The following SRGAP2B variants were observed in gnomAD, a reference collection of about 807,000 sequenced individuals.
The protein encoded by SRGAP2B is SLIT-ROBO Rho GTPase-activating protein 2B.
A neutral mutation model predicts 22.2 loss-of-function variants in SRGAP2B; 9 were observed. The observed-to-expected ratio is 0.41, with a 90% CI of 0.24 to 0.71. The LOEUF is 0.71. SRGAP2B is among the 30% of genes least tolerant of loss of function. The pLI is 0.35. For synonymous variants in SRGAP2B, 36 were observed against 87.4 expected, an observed-to-expected ratio of 0.41 and a Z score of 3.28; for missense variants, 114 against 235.8, an observed-to-expected ratio of 0.48 and a Z score of 3.38.
intron 2 of SRGAP2B, among the ~76,000 whole-genome samples, chr1:145,015,003 A>G (rs1276649183): frequency 8.6e-6 from 1 of 115,736 alleles, no homozygotes; most frequent in African/African-American, 3.6e-5. Flanking sequence ...TTGCTTTATA[A>G]TAGTCTATAA....
At chr1:145,020,814 T>C (rs1672746867) in intron 2 of SRGAP2B, among the ~76,000 whole-genome samples, 1 of 151,142 alleles carries the variant, frequency 6.6e-6, no homozygotes, top group Admixed American at 6.6e-5. Flanking sequence ...TCTCTTTTTT[T>C]TTTTTGAGAC....
At chr1:145,031,622 C>T (rs1202658984) in intron 2 of SRGAP2B, among the ~76,000 whole-genome samples, 9 of 139,370 alleles carry the variant, frequency 6.5e-5, no homozygotes, top group Middle Eastern at 3.7e-3. Flanking sequence ...CAGAGGCAGG[C>T]GGATCACGAG....
chr1:144,993,760 A>T (rs1157747183), intron 3 of SRGAP2B, among the ~76,000 whole-genome samples: 1 of 143,154 alleles, frequency 7.0e-6, no homozygotes, highest in Non-Finnish European at 1.5e-5. Context: ...ATGGAGAGAC[A>T]TTGAAAGTTT....
intron 4 of SRGAP2B, among the ~76,000 whole-genome samples, chr1:144,930,558 T>C (rs1402576260): frequency 4.7e-5 from 7 of 149,346 alleles, no homozygotes; most frequent in Non-Finnish European, 7.4e-5. Flanking sequence ...ATAAAAGCTC[T>C]ATATGGGGCC....
chr1:144,992,193 A>C (rs587760598), intron 3 of SRGAP2B, among the ~76,000 whole-genome samples: 83 of 150,590 alleles, frequency 5.5e-4, no homozygotes, highest in Non-Finnish European at 1.0e-3. Context: ...AACCCACCAG[A>C]AGGAAGAAAC....
intron 2 of SRGAP2B, among the ~76,000 whole-genome samples, chr1:145,017,108 T>C (rs1188407088): frequency 7.2e-6 from 1 of 139,762 alleles, no homozygotes; most frequent in African/African-American, 2.8e-5. Flanking sequence ...TATAAGTATT[T>C]TAGTAGAGAC....
At chr1:144,905,329 T>C in intron 6 of SRGAP2B, 110 bp from the exon 7 acceptor site, 1 of 607,906 alleles carries the variant, frequency 1.6e-6, no homozygotes, top group Non-Finnish European at 3.0e-6. Context: ...TGCTACTCCC[T>C]ATGCGCATCT....
At chr1:145,020,351 C>T (rs1672706322) in intron 2 of SRGAP2B, among the ~76,000 whole-genome samples, 1 of 126,702 alleles carries the variant, frequency 7.9e-6, no homozygotes, top group Non-Finnish European at 1.6e-5. Context: ...CCCTTGAGCC[C>T]AGGAGTTGGA....
In SRGAP2B at chr1:145,028,589, CAG is replaced by C. The variant is rs587659871; in HGVS notation, c.68-33391_68-33390del. Among the ~76,000 whole-genome samples the C allele has an allele frequency of 2.6e-4, 39 of 149,344 alleles. 1 individual carries two copies. In the East Asian group the frequency reaches 7.4e-3, roughly 28 times the overall value. ...TATTTAGTTAGTCTGTTTTAAACAA[CAG>C]TTCATGTTCTTTACTCATTTTTTCT... On this transcript the variant is annotated intron_variant, in intron 2 of 9. Transcript: ENST00000612199.
chr1:144,920,542 G>A (rs1444323934), intron 4 of SRGAP2B, among the ~76,000 whole-genome samples: 3 of 149,802 alleles, frequency 2.0e-5, no homozygotes, highest in Non-Finnish European at 4.4e-5. Flanking sequence ...CAAGTAGCTG[G>A]TAACAGGCAT....
At chr1:144,924,725 C>G (rs1350057818) in intron 4 of SRGAP2B, among the ~76,000 whole-genome samples, 3 of 133,188 alleles carry the variant, frequency 2.3e-5, no homozygotes, top group Admixed American at 2.2e-4. Context: ...GAGCGAAACT[C>G]CGTCTCAAAA....
At chr1:144,947,529 AG>A in intron 4 of SRGAP2B, among the ~76,000 whole-genome samples, 1 of 150,720 alleles carries the variant, frequency 6.6e-6, no homozygotes, top group East Asian at 1.9e-4. Context: ...AACATCTCCA[AG>A]ACCCTGGAGA....
chr1:144,980,882 ACTAT>A (rs1453926770), intron 3 of SRGAP2B, among the ~76,000 whole-genome samples: 9 of 149,038 alleles, frequency 6.0e-5, no homozygotes, highest in Admixed American at 1.3e-4. Context: ...ACATAACTAT[ACTAT>A]CTTTTACCTT....
chr1:144,914,790 CAG>C (rs1407827645), intron 4 of SRGAP2B, 36 bp from the exon 5 acceptor site: 3 of 677,076 alleles, frequency 4.4e-6, no homozygotes, highest in Non-Finnish European at 8.1e-6. Context: ...AATTGGGAAA[CAG>C]AAGAGAGAGG....
intron 3 of SRGAP2B, among the ~76,000 whole-genome samples, chr1:144,960,670 C>T (rs369676827): frequency 6.9e-6 from 1 of 144,582 alleles, no homozygotes; most frequent in Non-Finnish European, 1.5e-5. Context: ...AAAATGGACA[C>T]GTGCCCTATT....
intron 7 of SRGAP2B, among the ~76,000 whole-genome samples, chr1:144,899,949 TC>T (rs1662578672): frequency 1.5e-5 from 1 of 66,178 alleles, no homozygotes. Flanking sequence ...AATCCTAGAC[TC>T]CAGTGACCCT....
chr1:144,891,627 G>C (rs1330313778), exon 10 of SRGAP2B: 1 of 87,240 alleles, frequency 1.1e-5, no homozygotes, highest in Admixed American at 1.1e-4. Flanking sequence ...TCTAAAAGAA[G>C]ACTAGAGATA....
intron 2 of SRGAP2B, among the ~76,000 whole-genome samples, chr1:145,066,205 CA>C (rs1273465014): frequency 6.9e-6 from 1 of 145,890 alleles, no homozygotes; most frequent in Non-Finnish European, 1.5e-5. Context: ...TGGTGGCACA[CA>C]CCTGTAATCC....
At chr1:144,921,242 G>T (rs1553604292) in intron 4 of SRGAP2B, among the ~76,000 whole-genome samples, 1 of 79,786 alleles carries the variant, frequency 1.3e-5, no homozygotes, top group African/African-American at 5.7e-5. Flanking sequence ...TAATTCCACA[G>T]CAAGCTAGAT....
Sources: gnomAD v4.1 joint callset for allele counts (sites outside exome capture counted in the v4.1 genomes callset) on GRCh38, gnomAD v4.1.1 for gene constraint, MANE v1.5 for transcripts, NCBI Gene and HGNC (gene_info 2026-07-23, HGNC 2026-07-21) for gene names.